The following RGPD8 variants were observed in gnomAD, a reference collection of about 807,000 sequenced individuals.
RGPD8 encodes the protein RANBP2 like and GRIP domain containing 8, also known as RANBP2-like and GRIP domain-containing protein 8.
Under a neutral mutation model 89.1 loss-of-function variants are expected in RGPD8, and 15 were observed. The observed-to-expected ratio is 0.17, with a 90% CI of 0.11 to 0.26. RGPD8 has a LOEUF of 0.26. Ranked by LOEUF, RGPD8 falls within the 10% of genes least tolerant of loss-of-function variation. RGPD8 has a pLI of 1.00. For synonymous variants in RGPD8, 62 were observed against 420.9 expected (o/e 0.15, Z 10.44); for missense variants, 178 against 1,179.6 (o/e 0.15, Z 12.44).
At chr2:112,424,736 ACATCATCATCAT>A (rs578192808) in intron 1 of RGPD8, among the ~76,000 whole-genome samples, 37 of 123,394 alleles carry the variant, frequency 3.0e-4, no homozygotes, top group African/African-American at 9.5e-4. Flanking sequence ...CATCTCCCAA[ACATCATCATCAT>A]CATCATCATC....
chr2:112,432,945 C>T (rs1483491895), intron 1 of RGPD8, among the ~76,000 whole-genome samples: 3 of 144,866 alleles, frequency 2.1e-5, no homozygotes, highest in Admixed American at 1.4e-4. Flanking sequence ...CCTGACCCAT[C>T]GAGGCCGCCG....
chr2:112,430,607 G>A (rs1558992975), intron 1 of RGPD8, among the ~76,000 whole-genome samples: 1 of 150,996 alleles, frequency 6.6e-6, no homozygotes, highest in South Asian at 2.1e-4. Context: ...TGGAAGCCAA[G>A]GTCCCCACTA....
At position 112,389,563 on chromosome 2, in the gene RGPD8, C is replaced by T. The variant is rs200798390; in HGVS notation, c.3382G>A (p.Ala1128Thr). ...AAATCACTGGCTGACCACATCCATG[C>T]TCTATCTGATCCAGAGAGGGGCTTC... ...NLKPLSGSDR[A>T]WMWSASDFSD... The change falls in exon 20 of 23, where the codon GCA becomes ACA. Residue 1128 changes from alanine (A) to threonine (T), a missense_variant. Transcript: ENST00000302558. 1,581 of 1,611,026 alleles carry T rather than the reference C, an allele frequency of 9.8e-4. 2 individuals are homozygous for T. The highest frequency in any genetic ancestry group is 7.2e-3 in the Middle Eastern group (32 of 4,426).
Position 112,389,503 on chromosome 2 carries a change from CT to C in RGPD8, c.3441del (p.Ala1148GlnfsTer24). The C allele has an allele frequency of 6.2e-7, 1 of 1,610,838 alleles. No homozygotes were observed. Among genetic ancestry groups the C allele is most frequent in the South Asian group, 1.1e-5 (1 of 90,986 alleles). The stretch of plus-strand genomic sequence containing the variant: ...GCCAGCTCTGGTGTTTTAAATTTTG[CT>C]GCCAACCGCTCTAGTTTGGCATCAC... ...SDGDAKLERL[A>X]AKFKTPELAE... On this transcript the variant is annotated frameshift_variant, in exon 20 of 23. Transcript: ENST00000302558. LOFTEE classifies it high-confidence loss of function.
intron 3 of RGPD8, among the ~76,000 whole-genome samples, chr2:112,422,322 T>C (rs1679590054): frequency 6.8e-6 from 1 of 147,292 alleles, no homozygotes; most frequent in South Asian, 2.1e-4. Context: ...TTTGTGTCAT[T>C]TGAATGCAAA....
intron 6 of RGPD8, among the ~76,000 whole-genome samples, 168 bp downstream of exon 6, chr2:112,417,025 T>C (rs1056318630): frequency 1.3e-5 from 2 of 148,168 alleles, no homozygotes; most frequent in Non-Finnish European, 2.9e-5. Context: ...AGAACTTCCC[T>C]GTAAAAGAAG....
In RGPD8 at chr2:112,422,660, C is replaced by G; in HGVS notation, c.141-1G>C. 2.6e-6 allele frequency: 4 copies of G among 1,552,096 alleles called. No homozygotes were observed. The highest frequency in any genetic ancestry group is 2.0e-5 in the Admixed American group (1 of 50,044). On this transcript the variant is annotated splice_acceptor_variant, in intron 2 of 22. Coordinates refer to ENST00000302558, the MANE Select transcript of RGPD8 (RefSeq NM_001164463.1). LOFTEE classifies it high-confidence loss of function. ...CACATTAATGTAAGTACATATGTAT[C>G]TGTTTTTTAAAAGTAATACAAAAGT...
chr2:112,408,634 G>C (rs1337939575), intron 7 of RGPD8, among the ~76,000 whole-genome samples: 2 of 149,896 alleles, frequency 1.3e-5, no homozygotes, highest in African/African-American at 4.9e-5. Context: ...TTAATTAGTT[G>C]TGAATCCACT....
At chr2:112,427,635 T>C (rs1679829979) in intron 1 of RGPD8, among the ~76,000 whole-genome samples, 1 of 152,158 alleles carries the variant, frequency 6.6e-6, no homozygotes, top group African/African-American at 2.4e-5. Flanking sequence ...TTTTTCATTA[T>C]GCAGTTCTAA....
chr2:112,433,492 C>A lies in RGPD8; in HGVS notation c.-39G>T, dbSNP rs772632643. 6.3e-7 allele frequency: 1 copy of A among 1,585,242 alleles called. No homozygotes were observed. Among genetic ancestry groups the A allele is most frequent in the South Asian group, 1.1e-5 (1 of 89,076 alleles). Reference sequence around the variant, plus strand: ...TGGCTCCCGAGACGCGTGCGAGCACCGCTCAGCCCCGCAGCAGTCGCCACT... The same window carrying A: ...TGGCTCCCGAGACGCGTGCGAGCACAGCTCAGCCCCGCAGCAGTCGCCACT... On this transcript the variant is annotated 5_prime_UTR_variant, in exon 1 of 23. Coordinates refer to ENST00000302558, the MANE Select transcript of RGPD8 (RefSeq NM_001164463.1).
At chr2:112,423,583 A>G (rs1679629785) in intron 2 of RGPD8, among the ~76,000 whole-genome samples, 1 of 134,230 alleles carries the variant, frequency 7.4e-6, no homozygotes, top group Non-Finnish European at 1.6e-5. Flanking sequence ...GCGCATCTGT[A>G]TCCCCAGCTA....
intron 8 of RGPD8, among the ~76,000 whole-genome samples, chr2:112,404,700 CAAAAAA>C (rs1318458486): frequency 2.2e-5 from 1 of 45,774 alleles, no homozygotes; most frequent in Admixed American, 2.3e-4. Flanking sequence ...ACTAAAAATA[CAAAAAA>C]AAAAAAAAAA....
Position 112,433,516 on chromosome 2 carries a change from C to A in RGPD8, c.-63G>T. On this transcript the variant is annotated 5_prime_UTR_variant, in exon 1 of 23. Coordinates refer to ENST00000302558, the MANE Select transcript of RGPD8 (RefSeq NM_001164463.1). The stretch of plus-strand genomic sequence containing the variant: ...CCGCTCAGCCCCGCAGCAGTCGCCA[C>A]TTCCAAGAGGAAAGTGCCTGCAAGC... The A allele has an allele frequency of 6.6e-7, 1 of 1,523,414 alleles. No homozygotes were observed. The highest frequency in any genetic ancestry group is 8.9e-7 in the Non-Finnish European group (1 of 1,122,248). The allele number at this position is 1,523,414 out of a possible 1,614,324, so 94.4% of individuals were successfully genotyped here.
chr2:112,387,863 C>T (rs1678517989), intron 20 of RGPD8, among the ~76,000 whole-genome samples, 161 bp downstream of exon 20: 1 of 145,354 alleles, frequency 6.9e-6, no homozygotes, highest in South Asian at 2.3e-4. Flanking sequence ...TGAAACCTCA[C>T]CGAGAACTTA....
intron 6 of RGPD8, 101 bp downstream of exon 6, chr2:112,417,092 T>G (rs1574017316): frequency 1.2e-6 from 2 of 1,605,366 alleles, no homozygotes; most frequent in East Asian, 2.2e-5. Context: ...CTAGGTACAT[T>G]ATAGAAATAA....
intron 1 of RGPD8, among the ~76,000 whole-genome samples, chr2:112,431,146 T>G (rs915899055): frequency 6.6e-6 from 1 of 152,088 alleles, no homozygotes; most frequent in African/African-American, 2.4e-5. Context: ...TGGTCCCAAC[T>G]ACTCGGGAGA....
chr2:112,374,858 CTTTTTTTTTTT>C (rs780008775), intron 22 of RGPD8, among the ~76,000 whole-genome samples: 2 of 103,456 alleles, frequency 1.9e-5, no homozygotes, highest in South Asian at 3.3e-4. Context: ...AGTTTACATT[CTTTTTTTTTTT>C]TTTTTTTTTG....
chr2:112,370,359 G>GGGGGTC (rs1249646916), intron 22 of RGPD8, 147 bp from the exon 23 acceptor site: 23 of 100,746 alleles, frequency 2.3e-4, no homozygotes, highest in South Asian at 8.1e-4. Context: ...GGGGGGGGGG[G>GGGGGTC]TTCTTTTTTT....
intron 22 of RGPD8, 145 bp from the exon 23 acceptor site, chr2:112,370,357 GGGTTC>G: frequency 2.4e-6 from 1 of 412,308 alleles, no homozygotes; most frequent in Non-Finnish European, 3.9e-6. Context: ...GTGGGGGGGG[GGGTTC>G]TTTTTTTTTT....
Sources: gnomAD v4.1 joint callset for allele counts (sites outside exome capture counted in the v4.1 genomes callset) on GRCh38, gnomAD v4.1.1 for gene constraint, MANE v1.5 for transcripts, NCBI Gene and HGNC (gene_info 2026-07-23, HGNC 2026-07-21) for gene names.